Variants in MED1 observed in about 807,000 individuals in gnomAD.
MED1 encodes the protein mediator of RNA polymerase II transcription subunit 1.
In MED1, 17 loss-of-function variants were observed where a neutral mutation model predicts 121.3. The observed-to-expected ratio is 0.14, with a 90% CI of 0.10 to 0.21. The LOEUF is 0.21. Among genes scored for constraint, MED1 ranks in the 10% least tolerant of loss-of-function variants. The pLI is 1.00. For missense variants in MED1, 1,558 were observed against 1,919.4 expected (o/e 0.81, Z 3.52); for synonymous variants, 661 against 694.4 (o/e 0.95, Z 0.76).
At chr17:39,431,354 C>T (rs550968347) in intron 8 of MED1, 166 bp from the exon 9 acceptor site, 13 of 483,746 alleles carry the variant, frequency 2.7e-5, no homozygotes, top group Admixed American at 1.1e-4. Context: ...CTCAGCTCAC[C>T]GCAACCTCCG....
In MED1 at chr17:39,415,060, A is replaced by T. The variant is rs1458902904; in HGVS notation, c.1465T>A (p.Cys489Ser). Reference sequence around the variant, plus strand: ...ACTTTGGCAATGAAGTCATCTGTGCAGATCAGTGCATCCGACAGCCCTTTG... The same window carrying T: ...ACTTTGGCAATGAAGTCATCTGTGCTGATCAGTGCATCCGACAGCCCTTTG... ...LYKGLSDALI[C>S]TDDFIAKVVQ... is the part of the protein sequence containing the mutation. The change falls in exon 16 of 17, where the codon TGC becomes AGC. Residue 489 changes from cysteine to serine, a missense_variant. Transcript: ENST00000300651. 6.2e-7 allele frequency: 1 copy of T among 1,614,184 alleles called. No individual in the cohort carries two copies. Among genetic ancestry groups the T allele is most frequent in the African/African-American group, 1.3e-5 (1 of 75,070 alleles).
rs1444923918 is a variant in MED1, at chr17:39,409,398, T to G, written c.2823A>C (p.Leu941Phe). 6.2e-7 allele frequency: 1 copy of G among 1,614,150 alleles called. No individual in the cohort carries two copies. Among genetic ancestry groups the G allele is most frequent in the South Asian group, 1.1e-5 (1 of 91,080 alleles). Residue 941 changes from leucine to phenylalanine, a missense_variant, in exon 17 of 17, where the codon TTA (leucine) becomes TTC (phenylalanine). Physicochemically the swap from Leu to Phe is conservative, Grantham distance 22 (BLOSUM62 0). This residue lies in a region of MED1 where 793 missense variants were observed against 898.2 expected (regional missense o/e 0.88). Transcript: ENST00000300651. ...GATGCTCCATAAGATCTGCAGGAGC[T>G]AAAGCTTTGCCGGCTACTGAAATAA... Reference protein sequence around the residue: ...FSIISVAGKALAPADLMEHHS... With the variant: ...FSIISVAGKAFAPADLMEHHS...
intron 13 of MED1, among the ~76,000 whole-genome samples, chr17:39,422,477 T>G (rs1487152972): frequency 7.0e-6 from 1 of 143,510 alleles, no homozygotes; most frequent in African/African-American, 2.6e-5. Context: ...TCGTTTTTTT[T>G]TTTTTTTTTT....
chr17:39,439,627 T>C (rs566548499), intron 5 of MED1, among the ~76,000 whole-genome samples: 2 of 152,246 alleles, frequency 1.3e-5, no homozygotes, highest in South Asian at 2.1e-4. Context: ...TCGTGGCTCA[T>C]GTTTGTTGAT....
intron 14 of MED1, among the ~76,000 whole-genome samples, chr17:39,415,598 G>T (rs547307122): frequency 6.6e-6 from 1 of 152,136 alleles, no homozygotes; most frequent in Admixed American, 6.5e-5. Context: ...ATCACCTGAG[G>T]TCAGGAGTTC....
rs992239850 is a variant in MED1 at position 39,405,364 on chromosome 17, G to A, written c.*2111C>T. 1.9e-6 allele frequency: 3 copies of A among 1,570,204 alleles called. No homozygotes were observed. The highest frequency in any genetic ancestry group is 1.2e-5 in the South Asian group (1 of 85,618). On this transcript the variant is annotated 3_prime_UTR_variant, in exon 17 of 17. Transcript: ENST00000300651. ...TCCCAGTTTACTCATTTTGGTATTTGTTGGCCCTGCATGGGGGAGCTGAGC... is the reference window on the plus strand; with the variant it reads ...TCCCAGTTTACTCATTTTGGTATTTATTGGCCCTGCATGGGGGAGCTGAGC...
intron 14 of MED1, among the ~76,000 whole-genome samples, chr17:39,418,085 C>CA (rs760116991): frequency 0.049 from 2,695 of 55,304 alleles, 288 homozygotes; most frequent in African/African-American, 0.13. Flanking sequence ...GACTCCGTCT[C>CA]AAAAAAAAAA....
chr17:39,442,982 C>A (rs2144769993), intron 3 of MED1, among the ~76,000 whole-genome samples: 3 of 127,614 alleles, frequency 2.4e-5, no homozygotes, highest in South Asian at 2.6e-4. Context: ...GGAAAAAAAA[C>A]TTTTCCCAGG....
chr17:39,419,800 G>A lies in MED1; in HGVS notation c.1214C>T (p.Pro405Leu). 1.2e-6 allele frequency: 2 copies of A among 1,614,062 alleles called. No individual in the cohort carries two copies. Among genetic ancestry groups the A allele is most frequent in the Non-Finnish European group, 1.7e-6 (2 of 1,179,974 alleles). The part of the protein sequence containing the change: ...KITFQHPGRV[P>L]LILNLIRHQV... ...GTGTCTGATCAGATTTAGGATAAGA[G>A]GAACTCGGCCAGGGTGCTGAAAGGT... is the stretch of plus-strand genomic sequence containing the variant. The change falls in exon 14 of 17, where the codon CCT (proline) becomes CTT (leucine). Residue 405 changes from proline to leucine, a missense_variant. By Grantham distance (98) the Pro-to-Leu change is moderately conservative (BLOSUM62 -3). Transcript: ENST00000300651.
rs1357549426 is a variant in MED1, at chr17:39,407,768, C to T, written c.4453G>A (p.Gly1485Ser). The T allele has an allele frequency of 6.2e-7, 1 of 1,614,038 alleles. No individual in the cohort carries two copies. The highest frequency in any genetic ancestry group is 8.5e-7 in the Non-Finnish European group (1 of 1,180,016). Reference protein sequence around the residue: ...SYQNSPSSDDGIRPLPEYSTE... With the variant: ...SYQNSPSSDDSIRPLPEYSTE... ...CTGTATTCTGGAAGTGGTCGGATAC[C>T]ATCGTCTGAGCTGGGACTATTCTGA... is the stretch of plus-strand genomic sequence containing the variant. Residue 1485 changes from glycine (G) to serine (S), a missense_variant, in exon 17 of 17, where the codon GGT becomes AGT. Physicochemically the swap from Gly to Ser is moderately conservative, Grantham distance 56 (BLOSUM62 0). Around this residue, in one of 5 missense-constraint regions of MED1, gnomAD observed 264 missense variants for 326.1 expected, o/e 0.81. Coordinates refer to ENST00000300651, the MANE Select transcript of MED1 (RefSeq NM_004774.4).
intron 10 of MED1, 124 bp from the exon 11 acceptor site, chr17:39,424,862 CTTAT>C (rs991924928): frequency 7.4e-5 from 46 of 619,828 alleles, no homozygotes; most frequent in East Asian, 3.4e-4. Flanking sequence ...CTGTTATTCC[CTTAT>C]TTATTTATTT....
In MED1 at chr17:39,407,693, T is replaced by C; in HGVS notation, c.4528A>G (p.Lys1510Glu). ...HKKEKKKVKD[K>E]DRDRDRDKDR... ...TTGTCCCGGTCTCGGTCCCTATCTTTGTCTTTTACTTTCTTCTTTTCCTTT... is the reference window on the plus strand; with the variant it reads ...TTGTCCCGGTCTCGGTCCCTATCTTCGTCTTTTACTTTCTTCTTTTCCTTT... Residue 1510 changes from lysine (K) to glutamate (E), a missense_variant, in exon 17 of 17, where the codon AAA becomes GAA. This residue lies in a region of MED1 where 264 missense variants were observed against 326.1 expected (regional missense o/e 0.81). Coordinates refer to ENST00000300651, the MANE Select transcript of MED1 (RefSeq NM_004774.4). The C allele has an allele frequency of 6.2e-7, 1 of 1,614,116 alleles. No homozygotes were observed. The highest frequency in any genetic ancestry group is 8.5e-7 in the Non-Finnish European group (1 of 1,179,978).
At position 39,434,320 on chromosome 17, in the gene MED1, C is replaced by A; in HGVS notation, c.429G>T (p.Arg143Ser). The A allele has an allele frequency of 6.5e-7, 1 of 1,537,802 alleles. No homozygotes were observed. The highest frequency in any genetic ancestry group is 1.2e-5 in the South Asian group (1 of 81,806). The change falls in exon 7 of 17, where the codon AGG becomes AGT. Residue 143 changes from arginine to serine, a missense_variant and splice_region_variant. Transcript: ENST00000300651. ...TAGAAAATTCATCAAAATTTTTTTCCCTATAAGGAGTTCAGGGAAGAGGGG... is the reference window on the plus strand; with the variant it reads ...TAGAAAATTCATCAAAATTTTTTTCACTATAAGGAGTTCAGGGAAGAGGGG... The part of the protein sequence containing the change: ...VSCPELVQQL[R>S]EKNFDEFSKH...
At chr17:39,425,804 G>GAA (rs557890354) in intron 10 of MED1, among the ~76,000 whole-genome samples, 14 of 129,536 alleles carry the variant, frequency 1.1e-4, no homozygotes, top group African/African-American at 1.9e-4. Context: ...TCTGTCTGGG[G>GAA]AAAAAAAAAA....
In MED1 at chr17:39,439,514, C is replaced by G. The variant is rs568753078; in HGVS notation, c.400-321G>C. Among the ~76,000 whole-genome samples the G allele has an allele frequency of 3.3e-5, 5 of 152,310 alleles. No individual in the cohort carries two copies. The East Asian group carries it at 9.6e-4, about 29-fold the overall frequency. On this transcript the variant is annotated intron_variant, in intron 5 of 16. Coordinates refer to ENST00000300651, the MANE Select transcript of MED1 (RefSeq NM_004774.4). Reference sequence around the variant, plus strand: ...CTGGTTACACAGATTTTACATTCATCTCTATTACATAATTTTTCAGATCAT... The same window carrying G: ...CTGGTTACACAGATTTTACATTCATGTCTATTACATAATTTTTCAGATCAT...
In MED1 at chr17:39,426,724, G is replaced by C. The variant is rs147795267; in HGVS notation, c.739+977C>G. On this transcript the variant is annotated intron_variant, in intron 10 of 16. Transcript: ENST00000300651. ...TAATTTTGTATTTTTAGTAGAGACAGGGTTTCTCCATGTTGGTCAGGCTGG... is the reference window on the plus strand; with the variant it reads ...TAATTTTGTATTTTTAGTAGAGACACGGTTTCTCCATGTTGGTCAGGCTGG... 7.2e-3 allele frequency among the ~76,000 whole-genome samples: 1,096 copies of C among 152,128 alleles called. 16 individuals carry two copies. Among genetic ancestry groups the C allele is most frequent in the African/African-American group, 0.025 (1,042 of 41,516 alleles).
rs963916672 is a variant in MED1 at position 39,406,522 on chromosome 17, T to C, written c.*953A>G. The C allele has an allele frequency of 1.0e-6, 1 of 985,210 alleles. No individual in the cohort carries two copies. The highest frequency in any genetic ancestry group is 1.7e-5 in the African/African-American group (1 of 57,154). The allele number at this position is 985,210 out of a possible 1,614,324, so 61.0% of individuals were successfully genotyped here. On this transcript the variant is annotated 3_prime_UTR_variant, in exon 17 of 17. Coordinates refer to ENST00000300651, the MANE Select transcript of MED1 (RefSeq NM_004774.4). ...CTGTCCTACACTAAACCTTACTGCA[T>C]CTGAAAACATGTTTACATCCCAACA... is the stretch of plus-strand genomic sequence containing the variant.
At chr17:39,426,168 C>T (rs2144742978) in intron 10 of MED1, among the ~76,000 whole-genome samples, 1 of 152,122 alleles carries the variant, frequency 6.6e-6, no homozygotes, top group South Asian at 2.1e-4. Flanking sequence ...ATAAAGGAGC[C>T]TGACGCCAAG....
intron 9 of MED1, among the ~76,000 whole-genome samples, chr17:39,429,861 A>C (rs1597865586): frequency 1.3e-5 from 2 of 151,772 alleles, no homozygotes; most frequent in African/African-American, 2.4e-5. Context: ...CAGTGGCAGG[A>C]AGATCACTTG....
Sources: gnomAD v4.1 joint callset for allele counts (sites outside exome capture counted in the v4.1 genomes callset) on GRCh38, gnomAD v4.1.1 for gene constraint, gnomAD v4.1.1 regional missense constraint, MANE v1.5 for transcripts, NCBI Gene and HGNC (gene_info 2026-07-23, HGNC 2026-07-21) for gene names.